FABP7: variants seen among roughly 807,000 people sequenced by gnomAD.
The protein encoded by FABP7 is fatty acid binding protein 7, also known as fatty acid-binding protein, brain.
Under a neutral mutation model 14.2 loss-of-function variants are expected in FABP7, and 13 were observed. That is an observed-to-expected ratio of 0.91 (90% CI 0.59 to 1.45). The LOEUF (loss-of-function observed/expected upper bound fraction) is 1.45, where lower values mean the gene tolerates loss of function less well. Ranked by LOEUF, FABP7 falls within the 40% of genes most tolerant of loss-of-function variation. The pLI, the probability that FABP7 is intolerant of heterozygous loss-of-function variation, is 0.00. For synonymous variants in FABP7, 49 were observed against 51.4 expected (o/e 0.95, Z 0.20); for missense variants, 149 against 157.6 (o/e 0.95, Z 0.29).
rs1252057284 is a variant in FABP7, at chr6:122,780,416, C to A, written c.199C>A (p.Leu67Met). Residue 67 changes from leucine to methionine, a missense_variant, in exon 2 of 4, where the codon CTG becomes ATG. By Grantham distance (15) the Leu-to-Met change is conservative (BLOSUM62 2). Transcript: ENST00000368444. ...CAAGAACACGGAGATTAGTTTCCAG[C>A]TGGGAGAAGAGTTTGATGAAACCAC... The part of the protein sequence containing the change: ...TFKNTEISFQ[L>M]GEEFDETTAD... 1.2e-6 allele frequency: 2 copies of A among 1,613,718 alleles called. No homozygotes were observed. Among genetic ancestry groups the A allele is most frequent in the Non-Finnish European group, 1.7e-6 (2 of 1,179,966 alleles).
At chr6:122,754,540 G>T in the FABP7 span, among the ~76,000 whole-genome samples, 1 of 151,890 alleles carries the variant, frequency 6.6e-6, no homozygotes, top group South Asian at 2.1e-4. Context: ...TTTGTCAAAG[G>T]TTCAGGCTTC....
intron 1 of FABP7, 56 bp from the exon 2 acceptor site, chr6:122,780,235 T>C: frequency 6.4e-7 from 1 of 1,573,812 alleles, no homozygotes; most frequent in Non-Finnish European, 8.7e-7. Flanking sequence ...AGATTCTTGC[T>C]TTGTGAGTTA....
chr6:122,782,029 G>C (rs1223250187), intron 3 of FABP7: 1 of 983,934 alleles, frequency 1.0e-6, no homozygotes, highest in Non-Finnish European at 1.2e-6. Flanking sequence ...TGGGATTACA[G>C]GCCTGAGCCA....
At chr6:122,762,503 C>T in the FABP7 span, among the ~76,000 whole-genome samples, 1 of 152,176 alleles carries the variant, frequency 6.6e-6, no homozygotes, top group African/African-American at 2.4e-5. Context: ...GCCTCTCTCA[C>T]CACTCCTATT....
At chr6:122,783,175 A>G in intron 3 of FABP7, 1 of 985,442 alleles carries the variant, frequency 1.0e-6, no homozygotes, top group Non-Finnish European at 1.2e-6. Context: ...GATGTTCCGC[A>G]TCCTATCCAC....
the FABP7 span, among the ~76,000 whole-genome samples, chr6:122,765,258 A>G: frequency 3.4e-4 from 52 of 152,218 alleles, no homozygotes; most frequent in African/African-American, 1.2e-3. Context: ...CTTATGTTTT[A>G]TATTTATTGA....
chr6:122,767,660 C>T, the FABP7 span, among the ~76,000 whole-genome samples: 1 of 150,988 alleles, frequency 6.6e-6, no homozygotes, highest in African/African-American at 2.5e-5. Flanking sequence ...CCTGTAATTC[C>T]CCCACTTAGG....
intron 3 of FABP7, chr6:122,781,549 T>G: frequency 7.9e-7 from 1 of 1,269,060 alleles, no homozygotes. Flanking sequence ...ATCACTGAAA[T>G]ATATAAAGAT....
chr6:122,777,409 C>A (rs1011570462), upstream of FABP7, among the ~76,000 whole-genome samples: 8 of 152,056 alleles, frequency 5.3e-5, no homozygotes, highest in Non-Finnish European at 8.8e-5. Context: ...CTCAAAAAAA[C>A]CCTTAAAACC....
chr6:122,770,347 AT>A, the FABP7 span, among the ~76,000 whole-genome samples: 1 of 151,890 alleles, frequency 6.6e-6, no homozygotes, highest in Admixed American at 6.6e-5. Context: ...GTTATAGGTC[AT>A]ATTTCTTCCT....
the FABP7 span, among the ~76,000 whole-genome samples, chr6:122,770,124 A>G: frequency 6.6e-6 from 1 of 152,148 alleles, no homozygotes; most frequent in Non-Finnish European, 1.5e-5. Flanking sequence ...TTTTAATGAG[A>G]ATAAATATAT....
chr6:122,756,077 C>A, the FABP7 span, among the ~76,000 whole-genome samples: 244 of 152,290 alleles, frequency 1.6e-3, no homozygotes, highest in African/African-American at 2.9e-3. Flanking sequence ...TGCGCTCCCC[C>A]CTTTCCCCTC....
the FABP7 span, among the ~76,000 whole-genome samples, chr6:122,773,807 G>T: frequency 6.6e-6 from 1 of 152,142 alleles, no homozygotes; most frequent in African/African-American, 2.4e-5. Flanking sequence ...AGCAAGGCCA[G>T]GAGATTCAGC....
the FABP7 span, among the ~76,000 whole-genome samples, chr6:122,762,872 C>T: frequency 1.3e-5 from 2 of 152,166 alleles, no homozygotes; most frequent in South Asian, 4.1e-4. Flanking sequence ...CTACAAACCA[C>T]TGCTCAATGA....
the FABP7 span, among the ~76,000 whole-genome samples, chr6:122,753,479 T>C: frequency 3.3e-5 from 5 of 152,080 alleles, no homozygotes; most frequent in African/African-American, 1.2e-4. Flanking sequence ...GGAGTCTGCC[T>C]CCTCCCCAAG....
chr6:122,783,239 A>G, intron 3 of FABP7: 2 of 985,482 alleles, frequency 2.0e-6, no homozygotes, highest in Non-Finnish European at 1.2e-6. Context: ...CAAGGAGAAT[A>G]TTTGTACCTT....
the FABP7 span, among the ~76,000 whole-genome samples, chr6:122,761,775 C>T: frequency 2.0e-5 from 3 of 152,146 alleles, no homozygotes; most frequent in African/African-American, 7.2e-5. Context: ...CTCATGGCCT[C>T]TAAATGAGAA....
At chr6:122,776,414 T>G (rs1229613040), upstream of FABP7, among the ~76,000 whole-genome samples, 2 of 152,004 alleles carry the variant, frequency 1.3e-5, no homozygotes, top group Non-Finnish European at 2.9e-5. Context: ...AAATAAGCCA[T>G]GCAGAGAAAG....
chr6:122,751,215 A>G, the FABP7 span, among the ~76,000 whole-genome samples: 78,628 of 152,038 alleles, frequency 0.52, 20,588 homozygotes, highest in South Asian at 0.72. Context: ...TTTCTCATCC[A>G]TAAAGTGAGT....
Sources: gnomAD v4.1 joint callset for allele counts (sites outside exome capture counted in the v4.1 genomes callset) on GRCh38, gnomAD v4.1.1 for gene constraint, MANE v1.5 for transcripts, NCBI Gene and HGNC (gene_info 2026-07-23, HGNC 2026-07-21) for gene names.